PCSK6: variants seen among roughly 807,000 people sequenced by gnomAD.
The protein encoded by PCSK6 is proprotein convertase subtilisin/kexin type 6.
A neutral mutation model predicts 123.3 loss-of-function variants in PCSK6; 85 were observed. That is an observed-to-expected ratio of 0.69 (90% CI 0.58 to 0.83). PCSK6 has a LOEUF of 0.83. Ranked by LOEUF, PCSK6 falls within the 40% of genes least tolerant of loss-of-function variation. The pLI is 0.00. For missense variants in PCSK6, 1,191 were observed against 1,282.3 expected, an observed-to-expected ratio of 0.93 and a Z score of 1.09; for synonymous variants, 508 against 516.0, an observed-to-expected ratio of 0.98 and a Z score of 0.21.
chr15:101,359,003 G>A (rs1036815932), intron 13 of PCSK6, among the ~76,000 whole-genome samples: 5 of 152,168 alleles, frequency 3.3e-5, no homozygotes, highest in African/African-American at 1.2e-4. Flanking sequence ...ACTGTGCTTG[G>A]GGAGGATGCA....
chr15:101,350,621 C>A (rs546867946), intron 13 of PCSK6, among the ~76,000 whole-genome samples: 1 of 152,198 alleles, frequency 6.6e-6, no homozygotes, highest in Non-Finnish European at 1.5e-5. Flanking sequence ...GCCTCTGAGC[C>A]GGCCCTGGGA....
At chr15:101,462,898 C>T (rs1202885674) in intron 1 of PCSK6, among the ~76,000 whole-genome samples, 1 of 152,144 alleles carries the variant, frequency 6.6e-6, no homozygotes, top group East Asian at 1.9e-4. Context: ...AGGCACATGG[C>T]TATGGGGGCC....
intron 19 of PCSK6, among the ~76,000 whole-genome samples, chr15:101,315,911 G>A (rs1216616818): frequency 6.6e-6 from 1 of 152,258 alleles, no homozygotes; most frequent in Non-Finnish European, 1.5e-5. Flanking sequence ...TCTCGATCGA[G>A]TTGCCTGCCA....
intron 9 of PCSK6, among the ~76,000 whole-genome samples, chr15:101,387,833 AGG>A (rs2042112118): frequency 2.0e-5 from 3 of 152,368 alleles, no homozygotes; most frequent in Non-Finnish European, 4.4e-5. Flanking sequence ...GAGCTATCCC[AGG>A]CTACAGGTCT....
chr15:101,353,296 C>T (rs571745109), intron 13 of PCSK6, among the ~76,000 whole-genome samples: 214 of 152,256 alleles, frequency 1.4e-3, no homozygotes, highest in Non-Finnish European at 2.6e-3. Context: ...GGTTCGCACT[C>T]CTATGAGAAT....
chr15:101,411,548 G>C (rs1040944878), intron 6 of PCSK6, among the ~76,000 whole-genome samples: 3 of 152,156 alleles, frequency 2.0e-5, no homozygotes, highest in African/African-American at 7.2e-5. Context: ...CGACCAAGAA[G>C]CAGCCCATGT....
At chr15:101,442,775 C>T (rs2056789762) in intron 2 of PCSK6, among the ~76,000 whole-genome samples, 1 of 152,178 alleles carries the variant, frequency 6.6e-6, no homozygotes, top group African/African-American at 2.4e-5. Context: ...GCTGGGGCTG[C>T]TACTGCTTCT....
intron 1 of PCSK6, among the ~76,000 whole-genome samples, chr15:101,480,183 G>C (rs1395580054): frequency 6.6e-6 from 1 of 152,218 alleles, no homozygotes; most frequent in Non-Finnish European, 1.5e-5. Context: ...CACTCTCACT[G>C]AGAAGATGGA....
In PCSK6 at chr15:101,485,393, CTGTT is replaced by C. The variant is rs200632308; in HGVS notation, c.297+3977_297+3980del. 4.2e-3 allele frequency among the ~76,000 whole-genome samples: 637 copies of C among 152,254 alleles called. 6 individuals carry two copies. The highest frequency in any genetic ancestry group is 0.015 in the African/African-American group (603 of 41,558). Reference sequence around the variant, plus strand: ...CCTGGTCTATTCTTGCTTTTTAACTCTGTTAGGATGCCTTTGTTTACATAGAATT... The same window carrying C: ...CCTGGTCTATTCTTGCTTTTTAACTCAGGATGCCTTTGTTTACATAGAATT... On this transcript the variant is annotated intron_variant, in intron 1 of 21. Coordinates refer to ENST00000611716, the MANE Select transcript of PCSK6 (RefSeq NM_002570.5).
chr15:101,429,369 G>A (rs527577142), intron 5 of PCSK6, among the ~76,000 whole-genome samples: 12 of 152,196 alleles, frequency 7.9e-5, no homozygotes, highest in African/African-American at 2.2e-4. Flanking sequence ...CCACCATTTC[G>A]GAAGAATCTG....
At chr15:101,421,499 G>A (rs1322919529) in intron 6 of PCSK6, among the ~76,000 whole-genome samples, 1 of 152,156 alleles carries the variant, frequency 6.6e-6, no homozygotes, top group Non-Finnish European at 1.5e-5. Context: ...CTGAGATGAG[G>A]TCATAAAAGA....
intron 13 of PCSK6, among the ~76,000 whole-genome samples, chr15:101,350,267 G>A (rs138371205): frequency 3.9e-5 from 6 of 152,168 alleles, no homozygotes; most frequent in Non-Finnish European, 7.4e-5. Context: ...CTGGTTATTT[G>A]TATGTTTTCT....
In PCSK6 at chr15:101,396,148, T is replaced by A. The variant is rs188012565; in HGVS notation, c.996+2256A>T. Among the ~76,000 whole-genome samples the A allele has an allele frequency of 2.7e-3, 418 of 152,094 alleles. 1 individual carries two copies. Among genetic ancestry groups the A allele is most frequent in the Non-Finnish European group, 4.1e-3 (277 of 67,976 alleles). ...CTGTATGACATATTTTACTTCCAAA[T>A]GACGAAAAAAAATCAAATGACCTCA... is the stretch of plus-strand genomic sequence containing the variant. On this transcript the variant is annotated intron_variant, in intron 7 of 21. Coordinates refer to ENST00000611716, the MANE Select transcript of PCSK6 (RefSeq NM_002570.5).
chr15:101,441,353 C>G (rs1266977073), intron 2 of PCSK6, among the ~76,000 whole-genome samples: 1 of 151,996 alleles, frequency 6.6e-6, no homozygotes, highest in Non-Finnish European at 1.5e-5. Flanking sequence ...TGGTGGCCCT[C>G]AAGCCCCCCA....
rs368560854 is a variant in PCSK6 at position 101,449,400 on chromosome 15, A to T, written c.298-5740T>A. 2.6e-5 allele frequency among the ~76,000 whole-genome samples: 4 copies of T among 152,126 alleles called. No homozygotes were observed. The East Asian group carries it at 5.8e-4, about 22-fold the overall frequency. On this transcript the variant is annotated intron_variant, in intron 1 of 21. Transcript: ENST00000611716. ...CGTGGATAAAGACAGCCAACTGCATATGTATTCAGGCGTGTGTGTGTATCT... is the reference window on the plus strand; with the variant it reads ...CGTGGATAAAGACAGCCAACTGCATTTGTATTCAGGCGTGTGTGTGTATCT...
chr15:101,329,733 T>C (rs2040334956), intron 15 of PCSK6, among the ~76,000 whole-genome samples: 1 of 152,230 alleles, frequency 6.6e-6, no homozygotes, highest in South Asian at 2.1e-4. Flanking sequence ...TGTCCTGAGC[T>C]GATCTCAGCC....
intron 6 of PCSK6, among the ~76,000 whole-genome samples, chr15:101,403,164 C>T (rs999480855): frequency 4.9e-4 from 73 of 150,092 alleles, no homozygotes; most frequent in African/African-American, 1.4e-3. Context: ...AGTAAACTAT[C>T]GCAAGGACAA....
intron 2 of PCSK6, among the ~76,000 whole-genome samples, chr15:101,436,669 C>T (rs2056610781): frequency 6.6e-6 from 1 of 152,170 alleles, no homozygotes. Flanking sequence ...GGGAGGTGGG[C>T]ACCCTGCCTG....
intron 1 of PCSK6, among the ~76,000 whole-genome samples, chr15:101,472,154 C>T (rs529383011): frequency 6.6e-6 from 1 of 152,360 alleles, no homozygotes; most frequent in Non-Finnish European, 1.5e-5. Context: ...CAGAGACATG[C>T]TCTGACTGAC....
Sources: allele counts gnomAD v4.1 joint callset (sites outside exome capture counted in the v4.1 genomes callset), GRCh38; gene constraint gnomAD v4.1.1; transcripts MANE v1.5; gene names NCBI Gene and HGNC (gene_info 2026-07-23, HGNC 2026-07-21).